The following GRM5 variants were observed in gnomAD, a reference collection of about 807,000 sequenced individuals.
GRM5 encodes metabotropic glutamate receptor 5.
In GRM5, 19 loss-of-function variants were observed where a neutral mutation model predicts 83.1. The ratio of observed to expected loss-of-function variants is 0.23; its 90% CI spans 0.16 to 0.34. The LOEUF (loss-of-function observed/expected upper bound fraction) is 0.34, where lower values mean the gene tolerates loss of function less well. Among genes scored for constraint, GRM5 ranks in the 10% least tolerant of loss-of-function variants. The pLI, the probability that GRM5 is intolerant of heterozygous loss-of-function variation, is 1.00. For synonymous variants in GRM5, 675 were observed against 633.6 expected (o/e 1.07, Z -0.98); for missense variants, 1,160 against 1,588.3 (o/e 0.73, Z 4.58).
chr11:88,568,059 T>G, intron 7 of GRM5, 67 bp from the exon 8 acceptor site: 1 of 983,296 alleles, frequency 1.0e-6, no homozygotes, highest in Non-Finnish European at 1.5e-6. Context: ...TATCCCTAAG[T>G]TACAAGCAGC....
chr11:88,814,922 T>C (rs80083557), intron 3 of GRM5, among the ~76,000 whole-genome samples: 3,884 of 152,208 alleles, frequency 0.026, 175 homozygotes, highest in African/African-American at 0.089. Context: ...AATAGGTCTG[T>C]AAAATACATA....
chr11:88,533,362 T>C (rs1942059716), intron 8 of GRM5, among the ~76,000 whole-genome samples: 1 of 152,302 alleles, frequency 6.6e-6, no homozygotes, highest in Admixed American at 6.5e-5. Flanking sequence ...AAAAATATCC[T>C]CAAAGCTTAC....
intron 4 of GRM5, among the ~76,000 whole-genome samples, chr11:88,629,549 C>T (rs1470374767): frequency 2.0e-5 from 3 of 152,098 alleles, no homozygotes; most frequent in Non-Finnish European, 4.4e-5. Flanking sequence ...AAAACCTCTT[C>T]ATGATGGACT....
intron 2 of GRM5, among the ~76,000 whole-genome samples, chr11:88,904,731 A>G (rs1945374826): frequency 1.3e-5 from 2 of 152,154 alleles, no homozygotes; most frequent in South Asian, 4.1e-4. Flanking sequence ...AATGCATTTT[A>G]TCTCTAGAAT....
At chr11:88,675,818 T>C (rs1940313232) in intron 3 of GRM5, among the ~76,000 whole-genome samples, 1 of 152,058 alleles carries the variant, frequency 6.6e-6, no homozygotes, top group Non-Finnish European at 1.5e-5. Flanking sequence ...TGTAAATGTT[T>C]GTATAATCAG....
At chr11:88,946,042 C>T (rs1437387242) in intron 2 of GRM5, among the ~76,000 whole-genome samples, 3 of 151,724 alleles carry the variant, frequency 2.0e-5, no homozygotes, top group African/African-American at 7.3e-5. Flanking sequence ...GTTCAACAAG[C>T]ATAAATGAAT....
intron 2 of GRM5, among the ~76,000 whole-genome samples, chr11:88,916,780 A>C (rs374407471): frequency 6.6e-6 from 1 of 151,784 alleles, no homozygotes; most frequent in African/African-American, 2.4e-5. Flanking sequence ...GAGAAAAGAG[A>C]ACTTTGTCTT....
intron 2 of GRM5, among the ~76,000 whole-genome samples, chr11:89,033,369 T>G (rs1413868768): frequency 6.6e-6 from 1 of 151,838 alleles, no homozygotes; most frequent in Admixed American, 6.6e-5. Flanking sequence ...AGAAACAAAG[T>G]TTTACATATT....
chr11:88,926,311 G>A (rs569922731), intron 2 of GRM5, among the ~76,000 whole-genome samples: 2 of 152,266 alleles, frequency 1.3e-5, no homozygotes, highest in Admixed American at 1.3e-4. Context: ...TACAGTGTGA[G>A]TTGTGAAAAG....
intron 4 of GRM5, among the ~76,000 whole-genome samples, chr11:88,642,549 G>A (rs1278193361): frequency 2.0e-5 from 3 of 152,046 alleles, no homozygotes; most frequent in African/African-American, 7.2e-5. Flanking sequence ...CAACTTTTAT[G>A]TTCTTCTTCT....
At chr11:88,944,879 G>C (rs1938228366) in intron 2 of GRM5, among the ~76,000 whole-genome samples, 1 of 151,784 alleles carries the variant, frequency 6.6e-6, no homozygotes, top group African/African-American at 2.4e-5. Context: ...AGGCAACAGA[G>C]AAAAATAAAA....
At chr11:88,939,700 G>T (rs1047846807) in intron 2 of GRM5, among the ~76,000 whole-genome samples, 1 of 151,644 alleles carries the variant, frequency 6.6e-6, no homozygotes, top group African/African-American at 2.4e-5. Flanking sequence ...ATGTGTGCGC[G>T]TGTTTGGCGA....
At chr11:88,840,251 T>C (rs1944172528) in intron 3 of GRM5, among the ~76,000 whole-genome samples, 1 of 152,198 alleles carries the variant, frequency 6.6e-6, no homozygotes, top group Non-Finnish European at 1.5e-5. Flanking sequence ...GATCATGTCA[T>C]AAAAGAAGTC....
At chr11:88,720,807 T>C (rs956969223) in intron 3 of GRM5, among the ~76,000 whole-genome samples, 17 of 133,478 alleles carry the variant, frequency 1.3e-4, no homozygotes, top group Non-Finnish European at 2.4e-4. Flanking sequence ...TGTGTGTGTG[T>C]GTGTGTGTGT....
intron 6 of GRM5, among the ~76,000 whole-genome samples, chr11:88,593,762 TTCTCTC>T (rs113152007): frequency 1.3e-4 from 12 of 90,072 alleles, no homozygotes; most frequent in African/African-American, 2.3e-4. Flanking sequence ...CCCTCCCTCC[TTCTCTC>T]TCTCTCTCTC....
chr11:88,543,032 C>A (rs1055910169), intron 8 of GRM5, among the ~76,000 whole-genome samples: 36 of 152,288 alleles, frequency 2.4e-4, no homozygotes, highest in African/African-American at 8.2e-4. Context: ...TGGGCCACTG[C>A]ACTCCAGCCT....
chr11:88,784,910 A>G (rs1293699726), intron 3 of GRM5, among the ~76,000 whole-genome samples: 1 of 152,088 alleles, frequency 6.6e-6, no homozygotes, highest in African/African-American at 2.4e-5. Flanking sequence ...TTATCATGAA[A>G]TATATTTACA....
intron 3 of GRM5, among the ~76,000 whole-genome samples, chr11:88,829,068 C>T (rs1309129695): frequency 1.3e-5 from 2 of 151,722 alleles, no homozygotes; most frequent in Admixed American, 6.6e-5. Context: ...TAAAGACCAA[C>T]AATATTTAAG....
chr11:88,930,778 A>G (rs1293732818), intron 2 of GRM5, among the ~76,000 whole-genome samples: 2 of 151,968 alleles, frequency 1.3e-5, no homozygotes, highest in East Asian at 3.9e-4. Flanking sequence ...CAAATTCCTG[A>G]CCTCAGGCAA....
Sources: allele counts gnomAD v4.1 joint callset (sites outside exome capture counted in the v4.1 genomes callset), GRCh38; gene constraint gnomAD v4.1.1; transcripts MANE v1.5; gene names NCBI Gene and HGNC (gene_info 2026-07-23, HGNC 2026-07-21).